The following GRM5 variants were observed in gnomAD, a reference collection of about 807,000 sequenced individuals.
GRM5 encodes the protein glutamate metabotropic receptor 5.
Under a neutral mutation model 83.1 loss-of-function variants are expected in GRM5, and 19 were observed. That is an observed-to-expected ratio of 0.23 (90% CI 0.16 to 0.34). The LOEUF (loss-of-function observed/expected upper bound fraction) is 0.34. Among genes scored for constraint, GRM5 ranks in the 10% least tolerant of loss-of-function variants. The probability of loss-of-function intolerance (pLI) is 1.00; values close to 1 mark genes in which losing one functional copy is unlikely to be tolerated. For missense variants in GRM5, 1,160 were observed against 1,588.3 expected (o/e 0.73, Z 4.58); for synonymous variants, 675 against 633.6 (o/e 1.07, Z -0.98).
intron 3 of GRM5, among the ~76,000 whole-genome samples, chr11:88,714,077 C>A (rs1941345300): frequency 6.6e-6 from 1 of 151,866 alleles, no homozygotes; most frequent in Non-Finnish European, 1.5e-5. Context: ...TAGATTTTAG[C>A]TTTCATATCT....
At chr11:88,723,572 T>C (rs150404131) in intron 3 of GRM5, among the ~76,000 whole-genome samples, 2 of 152,230 alleles carry the variant, frequency 1.3e-5, no homozygotes, top group Admixed American at 6.6e-5. Flanking sequence ...GTTGTTACTA[T>C]GGAAGAGGTC....
At chr11:88,792,340 T>C (rs534764091) in intron 3 of GRM5, among the ~76,000 whole-genome samples, 1 of 152,280 alleles carries the variant, frequency 6.6e-6, no homozygotes, top group South Asian at 2.1e-4. Flanking sequence ...TCTATTGTTC[T>C]AATTTGGGCT....
At position 88,786,751 on chromosome 11, in the gene GRM5, AT is replaced by A. The variant is rs201245482; in HGVS notation, c.911+63154del. 5.7e-3 allele frequency among the ~76,000 whole-genome samples: 861 copies of A among 151,506 alleles called. 16 individuals are homozygous for A. The East Asian group carries it at 0.071, about 13-fold the overall frequency. On this transcript the variant is annotated intron_variant, in intron 3 of 9. Coordinates refer to ENST00000305447, the MANE Select transcript of GRM5 (RefSeq NM_001143831.3). ...TTGATGCCCCTTTCCTGCTTTATTT[AT>A]TTTTTTACGTTACATACCTTTCTGT...
chr11:88,926,251 C>G (rs1945787631), intron 2 of GRM5, among the ~76,000 whole-genome samples: 2 of 152,268 alleles, frequency 1.3e-5, no homozygotes, highest in South Asian at 4.1e-4. Flanking sequence ...ACCAGGCTGA[C>G]TCCCCTGGAT....
At chr11:88,706,236 T>C (rs1941154137) in intron 3 of GRM5, among the ~76,000 whole-genome samples, 1 of 152,088 alleles carries the variant, frequency 6.6e-6, no homozygotes, top group Non-Finnish European at 1.5e-5. Flanking sequence ...ATATCTGTGA[T>C]CTTTGAAGGT....
intron 3 of GRM5, among the ~76,000 whole-genome samples, chr11:88,820,571 C>G (rs1028892620): frequency 1.2e-4 from 18 of 152,142 alleles, no homozygotes; most frequent in African/African-American, 4.3e-4. Flanking sequence ...CAGTTATTAA[C>G]CCTGCAATCT....
intron 3 of GRM5, among the ~76,000 whole-genome samples, chr11:88,746,481 C>T (rs1388238904): frequency 1.8e-4 from 27 of 151,508 alleles, no homozygotes; most frequent in Non-Finnish European, 7.4e-5. Context: ...TACAAACAAA[C>T]AAATTATTCC....
chr11:88,751,872 G>T (rs1212664588), intron 3 of GRM5, among the ~76,000 whole-genome samples: 2 of 152,232 alleles, frequency 1.3e-5, no homozygotes, highest in East Asian at 1.9e-4. Flanking sequence ...CCAAATAGAT[G>T]CAGAAAAGGC....
rs868592372 is a variant in GRM5, at chr11:88,612,318, T to G, written c.1148-7354A>C. Among the ~76,000 whole-genome samples, 895 of 149,914 alleles carry G rather than the reference T, an allele frequency of 6.0e-3. 15 individuals carry two copies. The highest frequency in any genetic ancestry group is 0.021 in the African/African-American group (845 of 40,564). ...GAACCCATCATTTTTTATGGCTGCA[T>G]AGTATTCCATGGTGTATATGTGCCA... On this transcript the variant is annotated intron_variant, in intron 4 of 9. Transcript: ENST00000305447.
chr11:88,617,473 G>A (rs1186343487), intron 4 of GRM5, among the ~76,000 whole-genome samples: 2 of 152,206 alleles, frequency 1.3e-5, no homozygotes, highest in East Asian at 3.8e-4. Context: ...CTGTGCACCA[G>A]ATGTAAGCAG....
intron 2 of GRM5, among the ~76,000 whole-genome samples, chr11:88,894,736 C>T (rs551208511): frequency 9.2e-5 from 14 of 151,942 alleles, no homozygotes; most frequent in South Asian, 2.1e-4. Context: ...TATTAAGAAA[C>T]GGGGATTTGG....
intron 8 of GRM5, among the ~76,000 whole-genome samples, chr11:88,561,723 A>C: frequency 6.6e-6 from 1 of 152,166 alleles, no homozygotes; most frequent in East Asian, 1.9e-4. Flanking sequence ...ACCTCTATAC[A>C]TTGATGGCAT....
At chr11:88,581,739 A>G (rs1161940265) in intron 7 of GRM5, among the ~76,000 whole-genome samples, 1 of 152,184 alleles carries the variant, frequency 6.6e-6, no homozygotes, top group African/African-American at 2.4e-5. Context: ...GTATTTAGGA[A>G]AGGATAGTTC....
chr11:88,648,957 A>AAAAT, intron 4 of GRM5, among the ~76,000 whole-genome samples: 1 of 147,814 alleles, frequency 6.8e-6, no homozygotes, highest in African/African-American at 2.6e-5. Context: ...TCTTTATTCT[A>AAAAT]CAGGCTTAAG....
At chr11:88,787,871 A>G (rs1943103203) in intron 3 of GRM5, among the ~76,000 whole-genome samples, 1 of 152,126 alleles carries the variant, frequency 6.6e-6, no homozygotes, top group African/African-American at 2.4e-5. Flanking sequence ...TTCTTTCTGG[A>G]TATGTTAAGT....
At chr11:88,746,714 G>A (rs1348100206) in intron 3 of GRM5, among the ~76,000 whole-genome samples, 1 of 152,106 alleles carries the variant, frequency 6.6e-6, no homozygotes, top group Non-Finnish European at 1.5e-5. Flanking sequence ...GCCAAAGATA[G>A]AGACTGTTAA....
At chr11:88,734,458 A>G (rs1941870341) in intron 3 of GRM5, among the ~76,000 whole-genome samples, 2 of 152,058 alleles carry the variant, frequency 1.3e-5, no homozygotes, top group Admixed American at 1.3e-4. Flanking sequence ...ATATATATCT[A>G]AAAGCATTGT....
chr11:88,696,180 A>G (rs1246162227), intron 3 of GRM5, among the ~76,000 whole-genome samples: 2 of 152,104 alleles, frequency 1.3e-5, no homozygotes, highest in Non-Finnish European at 2.9e-5. Flanking sequence ...GCCCAGCGGT[A>G]GGGCTCTCCT....
In GRM5 at chr11:88,926,753, T is replaced by A. The variant is rs532576460; in HGVS notation, c.662-76598A>T. ...ATCTATTTCTTAAATGACATCAATC[T>A]AAGATCCACCAAAATGTTAACCCTA... On this transcript the variant is annotated intron_variant, in intron 2 of 9. Transcript: ENST00000305447. Among the ~76,000 whole-genome samples, 4 of 152,278 alleles carry A rather than the reference T, an allele frequency of 2.6e-5. No individual in the cohort carries two copies. The South Asian group carries it at 8.3e-4, about 32-fold the overall frequency.
Sources: gnomAD v4.1 joint callset for allele counts (sites outside exome capture counted in the v4.1 genomes callset) on GRCh38, gnomAD v4.1.1 for gene constraint, MANE v1.5 for transcripts, NCBI Gene and HGNC (gene_info 2026-07-23, HGNC 2026-07-21) for gene names.